FCGR3B: variants seen among roughly 807,000 people sequenced by gnomAD.
The protein encoded by FCGR3B is low affinity immunoglobulin gamma Fc region receptor III-B.
Under a neutral mutation model 26.7 loss-of-function variants are expected in FCGR3B, and 20 were observed. That is an observed-to-expected ratio of 0.75 (90% CI 0.53 to 1.09). The LOEUF (loss-of-function observed/expected upper bound fraction) is 1.09, where lower values mean the gene tolerates loss of function less well. Among genes scored for constraint, FCGR3B ranks in the 50% least tolerant of loss-of-function variants. FCGR3B has a pLI of 0.00. For synonymous variants in FCGR3B, 79 were observed against 107.0 expected, an observed-to-expected ratio of 0.74 and a Z score of 1.62; for missense variants, 191 against 279.7, an observed-to-expected ratio of 0.68 and a Z score of 2.26.
At chr1:161,630,856 T>C in intron 1 of FCGR3B, 199 bp downstream of exon 1, 3 of 1,314,916 alleles carry the variant, frequency 2.3e-6, no homozygotes, top group Non-Finnish European at 3.0e-6. Context: ...GCCTCACTCA[T>C]GACTATGACC....
chr1:161,624,432 T>A lies in FCGR3B; in HGVS notation c.*83A>T. 3.4e-6 allele frequency: 5 copies of A among 1,481,488 alleles called. 1 individual carries two copies. In the South Asian group the frequency reaches 6.1e-5, roughly 18 times the overall value. The allele number at this position is 1,481,488 out of a possible 1,614,324, so 91.8% of individuals were successfully genotyped here. On this transcript the variant is annotated 3_prime_UTR_variant, in exon 5 of 5. Transcript: ENST00000650385. ...AGAGATGCTGCTGCCACTGCTCTTA[T>A]TACCCCCATGGGATGGGGGTCATGT...
Position 161,631,175 on chromosome 1 carries a change from AC to A in FCGR3B, c.-82del, listed in dbSNP as rs1286213463. 6.2e-7 allele frequency: 1 copy of A among 1,606,162 alleles called. No individual in the cohort carries two copies. The highest frequency in any genetic ancestry group is 8.5e-7 in the Non-Finnish European group (1 of 1,176,678). The stretch of plus-strand genomic sequence containing the variant: ...AAGCCGACTAGACAGGAGGGAGTAA[AC>A]AGCCTTTCCCCAGTCCCTCCACCCA... On this transcript the variant is annotated 5_prime_UTR_variant, in exon 1 of 5. Transcript: ENST00000650385.
rs1263341560 is a variant in FCGR3B, at chr1:161,624,598, A to T, written c.619T>A (p.Tyr207Asn). The T allele has an allele frequency of 1.9e-6, 3 of 1,606,592 alleles. No homozygotes were observed. The change falls in exon 5 of 5, where the codon TAC becomes AAC. Residue 207 changes from tyrosine to asparagine, a missense_variant. Physicochemically the swap from Tyr to Asn is moderately radical, Grantham distance 143. This residue lies in a region of FCGR3B where 103 missense variants were observed against 114.5 expected (regional missense o/e 0.90). Coordinates refer to ENST00000650385, the MANE Select transcript of FCGR3B (RefSeq NM_001244753.2). ...STISSFSPPGYQVSFCLVMVL... is the reference protein window; with the variant it reads ...STISSFSPPGNQVSFCLVMVL... ...ATCACCAAGCAGAAAGAGACTTGGT[A>T]CCCAGGTGGAGAGAATGATGAGATG...
rs755635433 is a variant in FCGR3B at position 161,626,418 on chromosome 1, A to T, written c.320-16T>A. On this transcript the variant is annotated splice_polypyrimidine_tract_variant and intron_variant, in intron 3 of 4. Transcript: ENST00000650385. ...AACAGCCAGCCTGAAAGACACAGAG[A>T]CACCCCAGGCCCGGGAGGCCTCAGC... The T allele has an allele frequency of 3.1e-6, 5 of 1,608,440 alleles. No individual in the cohort carries two copies. In the South Asian group the frequency reaches 4.4e-5, roughly 14 times the overall value.
At position 161,624,508 on chromosome 1, in the gene FCGR3B, T is replaced by C; in HGVS notation, c.*7A>G. 1 of 1,606,918 alleles carries C rather than the reference T, an allele frequency of 6.2e-7. No homozygotes were observed. The highest frequency in any genetic ancestry group is 1.4e-5 in the African/African-American group (1 of 73,226). On this transcript the variant is annotated 3_prime_UTR_variant, in exon 5 of 5. Transcript: ENST00000650385. ...AGTTTATGGTCCTTCCAGTCTCTTG[T>C]TGAGCTTCAAATGTTTGTCTTCACA...
chr1:161,630,794 A>G, intron 1 of FCGR3B: 1 of 707,400 alleles, frequency 1.4e-6, no homozygotes, highest in South Asian at 2.2e-5. Flanking sequence ...ATCTAGTCGA[A>G]GCTCTTTGGT....
rs1209822520 is a variant in FCGR3B at position 161,623,384 on chromosome 1, G to A, written c.*1131C>T. 1.3e-5 allele frequency: 2 copies of A among 150,478 alleles called. No individual in the cohort carries two copies. The highest frequency in any genetic ancestry group is 4.9e-5 in the African/African-American group (2 of 40,410). The allele number at this position is 150,478 out of a possible 1,614,324, so 9.3% of individuals were successfully genotyped here. A position where few individuals can be genotyped will look rare whatever the true frequency, so the allele number is the denominator to read the frequency against. On this transcript the variant is annotated 3_prime_UTR_variant, in exon 5 of 5. Coordinates refer to ENST00000650385, the MANE Select transcript of FCGR3B (RefSeq NM_001244753.2). ...ATCCCCACCTCATTGGAACTGACAT[G>A]AAGAAGGATTTGAAAGTTTCACAGC...
intron 1 of FCGR3B, among the ~76,000 whole-genome samples, 199 bp from the exon 2 acceptor site, chr1:161,630,587 CAAA>C: frequency 6.9e-6 from 1 of 145,440 alleles, no homozygotes; most frequent in Non-Finnish European, 1.5e-5. Context: ...ACTGTCAACA[CAAA>C]TCCCTATTTT....
intron 3 of FCGR3B, among the ~76,000 whole-genome samples, chr1:161,629,081 C>T (rs1201775839): frequency 1.8e-5 from 2 of 112,060 alleles, no homozygotes; most frequent in Non-Finnish European, 3.7e-5. Context: ...CATTACATGT[C>T]TGAGAGCGAG....
Position 161,631,151 on chromosome 1 carries a change from A to C in FCGR3B, c.-57T>G. The C allele has an allele frequency of 6.2e-7, 1 of 1,607,826 alleles. No homozygotes were observed. The highest frequency in any genetic ancestry group is 2.2e-5 in the East Asian group (1 of 44,726). On this transcript the variant is annotated 5_prime_UTR_variant, in exon 1 of 5. Transcript: ENST00000650385. ...GATATCCGGAGCCCTAAAGGGACCA[A>C]GCCGACTAGACAGGAGGGAGTAAAC...
rs1177932352 is a variant in FCGR3B, at chr1:161,630,850, C to T, written c.40+205G>A. 1.3e-5 allele frequency: 16 copies of T among 1,241,830 alleles called. 2 individuals carry two copies. The highest frequency in any genetic ancestry group is 1.7e-5 in the Non-Finnish European group (16 of 931,242). 76.9% of individuals were successfully genotyped at this position (1,241,830 alleles called of 1,614,324 possible). A position where few individuals can be genotyped will look rare whatever the true frequency, so the allele number is the denominator to read the frequency against. ...CCCAGAGGGGTGAAGTGACTGGCCT[C>T]ACTCATGACTATGACCCAATTGGAA... On this transcript the variant is annotated intron_variant, in intron 1 of 4. Transcript: ENST00000650385.
At position 161,631,129 on chromosome 1, in the gene FCGR3B, A is replaced by G; in HGVS notation, c.-35T>C. Reference sequence around the variant, plus strand: ...CTGGAGTGGACAAGTCACCAAAGATATCCGGAGCCCTAAAGGGACCAAGCC... The same window carrying G: ...CTGGAGTGGACAAGTCACCAAAGATGTCCGGAGCCCTAAAGGGACCAAGCC... On this transcript the variant is annotated 5_prime_UTR_variant, in exon 1 of 5. Transcript: ENST00000650385. The G allele has an allele frequency of 6.2e-7, 1 of 1,607,774 alleles. No individual in the cohort carries two copies. Among genetic ancestry groups the G allele is most frequent in the African/African-American group, 1.4e-5 (1 of 73,358 alleles).
At position 161,631,077 on chromosome 1, in the gene FCGR3B, G is replaced by T; in HGVS notation, c.18C>A (p.Leu6=). 1 of 1,606,962 alleles carries T rather than the reference G, an allele frequency of 6.2e-7. No individual in the cohort carries two copies. The highest frequency in any genetic ancestry group is 8.5e-7 in the Non-Finnish European group (1 of 1,177,248). Residue 6 remains leucine, a synonymous_variant, in exon 1 of 5, where the codon CTC becomes CTA. Transcript: ENST00000650385. ...TACCTAGAAGTAGCAGAGCAGTTGGGAGGAGCAGCTGCCACATGATGCCAC... is the reference window on the plus strand; with the variant it reads ...TACCTAGAAGTAGCAGAGCAGTTGGTAGGAGCAGCTGCCACATGATGCCAC... The part of the protein sequence containing the change: MWQLL[L]PTALLLLVSA...
At position 161,626,138 on chromosome 1, in the gene FCGR3B, G is replaced by A. The variant is rs763905220; in HGVS notation, c.577+7C>T. 1.6e-5 allele frequency: 25 copies of A among 1,607,778 alleles called. 4 individuals carry two copies. The East Asian group carries it at 5.1e-4, about 33-fold the overall frequency. Reference sequence around the variant, plus strand: ...CCCTGGGCATTCCAGGGTGGCACATGTCTCACCTTGAGTGATGGTGATGTT... The same window carrying A: ...CCCTGGGCATTCCAGGGTGGCACATATCTCACCTTGAGTGATGGTGATGTT... On this transcript the variant is annotated splice_region_variant and intron_variant, in intron 4 of 4. Coordinates refer to ENST00000650385, the MANE Select transcript of FCGR3B (RefSeq NM_001244753.2).
rs768548987 is a variant in FCGR3B, at chr1:161,626,302, T to C, written c.420A>G (p.Thr140=). The part of the protein sequence containing the change: ...SWKNTALHKV[T]YLQNGKDRKY... ...TCCTGTCTTTGCCATTCTGTAAATA[T>C]GTGACCTTATGCAGAGCAGTGTTCT... The change falls in exon 4 of 5, where the codon ACA becomes ACG. Residue 140 remains threonine, a synonymous_variant. Transcript: ENST00000650385. The C allele has an allele frequency of 3.7e-6, 6 of 1,609,004 alleles. No individual in the cohort carries two copies. The highest frequency in any genetic ancestry group is 5.1e-6 in the Non-Finnish European group (6 of 1,177,828).
intron 3 of FCGR3B, among the ~76,000 whole-genome samples, chr1:161,629,413 A>G (rs1679627187): frequency 1.6e-5 from 1 of 63,510 alleles, no homozygotes; most frequent in Non-Finnish European, 3.0e-5. Flanking sequence ...TGGGTGAGAG[A>G]GTGATACTCT....
At chr1:161,629,108 T>G (rs150392443) in intron 3 of FCGR3B, among the ~76,000 whole-genome samples, 8,283 of 106,652 alleles carry the variant, frequency 0.078, 1,715 homozygotes, top group African/African-American at 0.2. Flanking sequence ...ATTGAGGTCC[T>G]AACACCAAAT....
Position 161,627,251 on chromosome 1 carries a change from A to G in FCGR3B, c.320-849T>C, listed in dbSNP as rs1318083526. Among the ~76,000 whole-genome samples, 8 of 150,306 alleles carry G rather than the reference A, an allele frequency of 5.3e-5. 1 individual carries two copies. The highest frequency in any genetic ancestry group is 2.0e-4 in the African/African-American group (8 of 40,390). ...AAGTTAAAAAAGCATAATACTTCAAATATTTTAAAAAGTATTATGCACAGA... is the reference window on the plus strand; with the variant it reads ...AAGTTAAAAAAGCATAATACTTCAAGTATTTTAAAAAGTATTATGCACAGA... On this transcript the variant is annotated intron_variant, in intron 3 of 4. Coordinates refer to ENST00000650385, the MANE Select transcript of FCGR3B (RefSeq NM_001244753.2).
At chr1:161,629,431 A>T (rs1679628660) in intron 3 of FCGR3B, among the ~76,000 whole-genome samples, 1 of 65,758 alleles carries the variant, frequency 1.5e-5, no homozygotes, top group Non-Finnish European at 2.8e-5. Context: ...TCTGTCTCAA[A>T]AAATAAAATT....
Sources: allele counts gnomAD v4.1 joint callset (sites outside exome capture counted in the v4.1 genomes callset), GRCh38; gene constraint gnomAD v4.1.1; regional missense constraint gnomAD v4.1.1; transcripts MANE v1.5; gene names NCBI Gene and HGNC (gene_info 2026-07-23, HGNC 2026-07-21).